The following MAP3K7CL variants were observed in gnomAD, a reference collection of about 807,000 sequenced individuals.
MAP3K7CL encodes the protein MAP3K7 C-terminal like.
Under a neutral mutation model 18.6 loss-of-function variants are expected in MAP3K7CL, and 16 were observed. The ratio of observed to expected loss-of-function variants is 0.86; its 90% CI spans 0.58 to 1.31. The LOEUF is 1.31. Among genes scored for constraint, MAP3K7CL ranks in the 50% most tolerant of loss-of-function variants. MAP3K7CL has a pLI of 0.00. For missense variants in MAP3K7CL, 163 were observed against 174.4 expected (o/e 0.93, Z 0.37); for synonymous variants, 65 against 66.8 (o/e 0.97, Z 0.13).
intron 3 of MAP3K7CL, among the ~76,000 whole-genome samples, chr21:29,158,917 C>CTTTTTTTTTTTTTTTTTTTTTTTTTTTT (rs36003464): frequency 1.0e-5 from 1 of 100,436 alleles, no homozygotes; most frequent in Non-Finnish European, 1.9e-5. Flanking sequence ...AAAAGTAGTA[C>CTTTTTTTTTTTTTTTTTTTTTTTTTTTT]TTTTTTTTTT....
chr21:29,158,962 C>T (rs2087474484), intron 3 of MAP3K7CL, among the ~76,000 whole-genome samples: 2 of 141,536 alleles, frequency 1.4e-5, no homozygotes, highest in Non-Finnish European at 3.0e-5. Flanking sequence ...ACTCTGTCAC[C>T]CAGGCTGGAG....
intron 3 of MAP3K7CL, among the ~76,000 whole-genome samples, chr21:29,153,166 G>C (rs1307096508): frequency 6.6e-6 from 1 of 152,196 alleles, no homozygotes; most frequent in Non-Finnish European, 1.5e-5. Flanking sequence ...TTCTCTTGAT[G>C]TCTCTATTAA....
intron 1 of MAP3K7CL, 27 bp from the exon 2 acceptor site, chr21:29,133,279 G>T: frequency 6.6e-7 from 1 of 1,525,388 alleles, no homozygotes; most frequent in South Asian, 1.2e-5. Context: ...TGGATAAAGT[G>T]ACAATGGCTC....
intron 1 of MAP3K7CL, among the ~76,000 whole-genome samples, chr21:29,090,192 C>G (rs1319532080): frequency 6.6e-6 from 1 of 152,058 alleles, no homozygotes; most frequent in Non-Finnish European, 1.5e-5. Flanking sequence ...GGTGCACTTT[C>G]CTTATTTTTA....
intron 3 of MAP3K7CL, chr21:29,092,311 C>G (rs1016284561): frequency 1.2e-6 from 1 of 832,692 alleles, no homozygotes; most frequent in African/African-American, 2.4e-5. Flanking sequence ...AAACCATTAA[C>G]AACCCTCTCT....
chr21:29,124,181 C>T (rs1354357372), intron 4 of MAP3K7CL, among the ~76,000 whole-genome samples: 2 of 151,610 alleles, frequency 1.3e-5, no homozygotes, highest in Admixed American at 1.3e-4. Context: ...GGTGAAACCC[C>T]ATCTCTACTA....
chr21:29,105,365 C>T (rs1209380863), intron 4 of MAP3K7CL, among the ~76,000 whole-genome samples: 9 of 152,204 alleles, frequency 5.9e-5, no homozygotes, highest in African/African-American at 1.9e-4. Context: ...CTTCCTGTTG[C>T]TCATTCCACT....
intron 2 of MAP3K7CL, among the ~76,000 whole-genome samples, chr21:29,139,733 C>T (rs985038161): frequency 1.3e-5 from 2 of 151,820 alleles, no homozygotes; most frequent in South Asian, 2.1e-4. Flanking sequence ...TATAGGCATG[C>T]GCCACCAAGC....
rs1446680104 is a variant in MAP3K7CL at position 29,133,421 on chromosome 21, T to C, written c.70+7T>C. On this transcript the variant is annotated splice_region_variant and intron_variant, in intron 2 of 4. Transcript: ENST00000399928. Reference sequence around the variant, plus strand: ...AGCCTCAATGACGCCTCAGGTATACTCTGCTCTGGAAGAAGGATTGTTTCC... The same window carrying C: ...AGCCTCAATGACGCCTCAGGTATACCCTGCTCTGGAAGAAGGATTGTTTCC... 1 of 1,532,496 alleles carries C rather than the reference T, an allele frequency of 6.5e-7. No homozygotes were observed. Among genetic ancestry groups the C allele is most frequent in the Non-Finnish European group, 8.8e-7 (1 of 1,133,888 alleles). The allele number at this position is 1,532,496 out of a possible 1,614,324, so 94.9% of individuals were successfully genotyped here. A position where few individuals can be genotyped will look rare whatever the true frequency, so the allele number is the denominator to read the frequency against.
intron 2 of MAP3K7CL, among the ~76,000 whole-genome samples, chr21:29,146,351 T>C (rs2087128341): frequency 1.3e-5 from 2 of 152,230 alleles, no homozygotes; most frequent in African/African-American, 2.4e-5. Context: ...TTATTAAACT[T>C]GTACTGCAGT....
intron 4 of MAP3K7CL, among the ~76,000 whole-genome samples, chr21:29,118,494 T>A (rs1477025592): frequency 6.6e-6 from 1 of 152,034 alleles, no homozygotes. Context: ...TTTGGTTGAA[T>A]TGGGGGTGAC....
At chr21:29,163,881 A>G (rs2087617910) in intron 4 of MAP3K7CL, among the ~76,000 whole-genome samples, 1 of 151,890 alleles carries the variant, frequency 6.6e-6, no homozygotes, top group African/African-American at 2.4e-5. Context: ...ATTTTTTTAA[A>G]GAGATGGCAT....
intron 4 of MAP3K7CL, among the ~76,000 whole-genome samples, chr21:29,165,124 A>T (rs896809789): frequency 5.3e-5 from 8 of 152,220 alleles, no homozygotes; most frequent in Non-Finnish European, 1.2e-4. Context: ...TTTTAAAAGT[A>T]TATTATTAAG....
intron 4 of MAP3K7CL, among the ~76,000 whole-genome samples, chr21:29,095,994 C>T (rs2086115598): frequency 6.6e-6 from 1 of 152,146 alleles, no homozygotes; most frequent in Non-Finnish European, 1.5e-5. Flanking sequence ...GGCTGCAGCT[C>T]AGAAGCTTAT....
intron 4 of MAP3K7CL, chr21:29,108,910 G>A: frequency 2.5e-6 from 2 of 809,300 alleles, no homozygotes; most frequent in East Asian, 2.8e-5. Flanking sequence ...CTCCAATGGT[G>A]TGAAAATTAG....
At chr21:29,133,558 G>T (rs1422225471) in intron 2 of MAP3K7CL, 144 bp downstream of exon 2, 2 of 529,230 alleles carry the variant, frequency 3.8e-6, no homozygotes, top group East Asian at 3.3e-5. Context: ...ATCATGCATT[G>T]TTAGATGGCG....
upstream of MAP3K7CL, among the ~76,000 whole-genome samples, chr21:29,082,108 T>A (rs954480306): frequency 6.6e-6 from 1 of 152,234 alleles, no homozygotes; most frequent in Non-Finnish European, 1.5e-5. Context: ...TACTTTTGGA[T>A]GAGCTAACTG....
upstream of MAP3K7CL, among the ~76,000 whole-genome samples, chr21:29,081,743 G>A (rs2085839745): frequency 6.6e-6 from 1 of 152,206 alleles, no homozygotes; most frequent in South Asian, 2.1e-4. Flanking sequence ...ACCACAGATT[G>A]CAAGTTTGGG....
intron 1 of MAP3K7CL, among the ~76,000 whole-genome samples, chr21:29,079,746 G>A (rs1312788775): frequency 6.6e-6 from 1 of 151,882 alleles, no homozygotes; most frequent in Non-Finnish European, 1.5e-5. Flanking sequence ...CCTACATTCA[G>A]AGTTTCAAGA....
Sources: gnomAD v4.1 joint callset for allele counts (sites outside exome capture counted in the v4.1 genomes callset) on GRCh38, gnomAD v4.1.1 for gene constraint, MANE v1.5 for transcripts, NCBI Gene and HGNC (gene_info 2026-07-23, HGNC 2026-07-21) for gene names.